Variants in HDAC9 observed in about 807,000 individuals in gnomAD.
HDAC9 encodes the protein MEF-2 interacting transcription repressor (MITR) protein.
HDAC9 carries 41 observed loss-of-function variants against 139.4 expected under a neutral mutation model. The observed-to-expected ratio is 0.29, with a 90% CI of 0.23 to 0.38. The LOEUF is 0.38. HDAC9 is among the 10% of genes least tolerant of loss of function. The pLI is 1.00. For missense variants in HDAC9, 1,147 were observed against 1,297.0 expected (o/e 0.88, Z 1.78); for synonymous variants, 517 against 476.2 (o/e 1.09, Z -1.12).
At chr7:18,599,809 A>T (rs1039650595) in intron 6 of HDAC9, among the ~76,000 whole-genome samples, 1 of 152,190 alleles carries the variant, frequency 6.6e-6, no homozygotes, top group African/African-American at 2.4e-5. Flanking sequence ...ACCTAGGAGT[A>T]CATTAACTGG....
chr7:18,300,030 C>A (rs1798429908), intron 1 of HDAC9, among the ~76,000 whole-genome samples: 1 of 152,182 alleles, frequency 6.6e-6, no homozygotes, highest in Non-Finnish European at 1.5e-5. Context: ...TCAGATACCA[C>A]CACCCTAAAA....
At position 18,268,286 on chromosome 7, in the gene HDAC9, G is replaced by A. The variant is rs947061805; in HGVS notation, c.25+105937G>A. On this transcript the variant is annotated intron_variant, in intron 2 of 12. Coordinates refer to the HDAC9 transcript ENST00000417496. Reference sequence around the variant, plus strand: ...ATGTTTTATTGACACACATACAGTCGATACATACATTGCTTGAGATGATAG... The same window carrying A: ...ATGTTTTATTGACACACATACAGTCAATACATACATTGCTTGAGATGATAG... 2.0e-5 allele frequency among the ~76,000 whole-genome samples: 3 copies of A among 152,018 alleles called. No homozygotes were observed. The South Asian group carries it at 6.2e-4, about 32-fold the overall frequency.
chr7:18,112,366 A>C (rs919853186), intron 1 of HDAC9, among the ~76,000 whole-genome samples: 6 of 152,180 alleles, frequency 3.9e-5, no homozygotes, highest in African/African-American at 1.2e-4. Context: ...TGCGGACTAC[A>C]GTTAAACTTG....
intron 2 of HDAC9, among the ~76,000 whole-genome samples, chr7:18,516,830 C>T (rs1279037593): frequency 7.1e-6 from 1 of 141,576 alleles, no homozygotes; most frequent in Non-Finnish European, 1.5e-5. Context: ...CATTGCACTC[C>T]AGCCTGGGTG....
intron 23 of HDAC9, among the ~76,000 whole-genome samples, chr7:18,939,315 T>A (rs1781865370): frequency 6.6e-6 from 1 of 152,228 alleles, no homozygotes; most frequent in Non-Finnish European, 1.5e-5. Flanking sequence ...ATGGGATTAT[T>A]GAATTTTTGA....
At chr7:18,664,796 A>G (rs193146141) in intron 11 of HDAC9, among the ~76,000 whole-genome samples, 124 of 152,232 alleles carry the variant, frequency 8.1e-4, no homozygotes, top group Middle Eastern at 3.4e-3. Context: ...TCTTTCTTCA[A>G]AGCATTTTGT....
intron 1 of HDAC9, among the ~76,000 whole-genome samples, chr7:18,444,640 C>G (rs1163742958): frequency 6.6e-6 from 1 of 151,968 alleles, no homozygotes; most frequent in East Asian, 1.9e-4. Flanking sequence ...CTTTTTTCTT[C>G]CCCACAGGTT....
chr7:18,638,560 T>C (rs1562694009), intron 8 of HDAC9, among the ~76,000 whole-genome samples: 1 of 152,032 alleles, frequency 6.6e-6, no homozygotes, highest in Non-Finnish European at 1.5e-5. Context: ...TAGGAGAAGG[T>C]AGTACCGTAA....
intron 1 of HDAC9, among the ~76,000 whole-genome samples, chr7:18,482,839 G>A (rs1795682534): frequency 1.3e-5 from 2 of 152,234 alleles, no homozygotes; most frequent in South Asian, 4.1e-4. Flanking sequence ...CACTTTGTGT[G>A]AACACTGAAG....
At chr7:18,601,769 A>G (rs1487244745) in intron 6 of HDAC9, among the ~76,000 whole-genome samples, 1 of 152,232 alleles carries the variant, frequency 6.6e-6, no homozygotes. Context: ...GATGGTTTAC[A>G]TTAGCCAATT....
intron 21 of HDAC9, among the ~76,000 whole-genome samples, chr7:18,860,095 C>A (rs1438034554): frequency 6.6e-6 from 1 of 151,472 alleles, no homozygotes; most frequent in African/African-American, 2.4e-5. Context: ...GGAGAGAAAT[C>A]CCTATGACTG....
intron 1 of HDAC9, among the ~76,000 whole-genome samples, chr7:18,354,766 TTCA>T (rs1783122521): frequency 1.3e-5 from 2 of 152,156 alleles, no homozygotes; most frequent in African/African-American, 4.8e-5. Context: ...AAAAAGGCAA[TTCA>T]TCAATTGGAT....
intron 1 of HDAC9, among the ~76,000 whole-genome samples, chr7:18,346,588 A>G (rs1391162070): frequency 2.6e-5 from 4 of 152,260 alleles, no homozygotes; most frequent in Non-Finnish European, 5.9e-5. Context: ...TTTTGCTGTC[A>G]TTAAAAGAAA....
At chr7:18,483,116 A>G (rs1795707379) in intron 1 of HDAC9, among the ~76,000 whole-genome samples, 1 of 151,996 alleles carries the variant, frequency 6.6e-6, no homozygotes, top group South Asian at 2.1e-4. Flanking sequence ...AAGAAAGAAG[A>G]GAGATGCAGA....
intron 1 of HDAC9, among the ~76,000 whole-genome samples, chr7:18,108,418 A>C (rs939180436): frequency 1.3e-5 from 2 of 152,168 alleles, no homozygotes; most frequent in Non-Finnish European, 2.9e-5. Context: ...TCCTCAGGTA[A>C]GTACCTACTG....
At chr7:18,103,378 T>C (rs1782979659) in intron 1 of HDAC9, among the ~76,000 whole-genome samples, 1 of 152,186 alleles carries the variant, frequency 6.6e-6, no homozygotes, top group South Asian at 2.1e-4. Context: ...TATGCAAGTT[T>C]GTTACAAGGG....
chr7:18,589,774 C>T (rs902684369), intron 3 of HDAC9, among the ~76,000 whole-genome samples: 1 of 152,134 alleles, frequency 6.6e-6, no homozygotes, highest in Non-Finnish European at 1.5e-5. Context: ...ATATATTCTA[C>T]ATATTATGAA....
intron 2 of HDAC9, among the ~76,000 whole-genome samples, chr7:18,184,465 A>C (rs978360287): frequency 3.9e-4 from 59 of 152,234 alleles, no homozygotes; most frequent in African/African-American, 1.4e-3. Flanking sequence ...ACATGAAATT[A>C]ATTTATGTTT....
At chr7:18,134,812 C>A (rs1785275154) in intron 1 of HDAC9, among the ~76,000 whole-genome samples, 1 of 152,046 alleles carries the variant, frequency 6.6e-6, no homozygotes, top group East Asian at 1.9e-4. Context: ...GAAAATCAGG[C>A]CAGTTTTGAG....
Sources: gnomAD v4.1 joint callset for allele counts (sites outside exome capture counted in the v4.1 genomes callset) on GRCh38, gnomAD v4.1.1 for gene constraint, MANE v1.5 for transcripts, NCBI Gene and HGNC (gene_info 2026-07-23, HGNC 2026-07-21) for gene names.